The following CDC73 variants were observed in gnomAD, a reference collection of about 807,000 sequenced individuals.
The protein encoded by CDC73 is cell division cycle 73, also known as parafibromin.
CDC73 carries 21 observed loss-of-function variants against 83.7 expected under a neutral mutation model. The observed-to-expected ratio is 0.25, with a 90% CI of 0.18 to 0.36. CDC73 has a LOEUF of 0.36. Ranked by LOEUF, CDC73 falls within the 10% of genes least tolerant of loss-of-function variation. The pLI is 1.00. For missense variants in CDC73, 342 were observed against 653.3 expected, an observed-to-expected ratio of 0.52 and a Z score of 5.19; for synonymous variants, 224 against 212.9, an observed-to-expected ratio of 1.05 and a Z score of -0.45.
chr1:193,135,287 C>A, intron 3 of CDC73, 104 bp from the exon 4 acceptor site: 1 of 905,088 alleles, frequency 1.1e-6, no homozygotes, highest in South Asian at 1.5e-5. Flanking sequence ...TAGAGAAAAT[C>A]ACCATATAGA....
At chr1:193,230,034 A>G in intron 13 of CDC73, among the ~76,000 whole-genome samples, 1 of 152,174 alleles carries the variant, frequency 6.6e-6, no homozygotes, top group South Asian at 2.1e-4. Flanking sequence ...CTGTATGTAA[A>G]TTTTATGTCA....
At chr1:193,245,219 A>C (rs192386090) in intron 15 of CDC73, among the ~76,000 whole-genome samples, 66 of 152,248 alleles carry the variant, frequency 4.3e-4, no homozygotes, top group Admixed American at 3.1e-3. Context: ...AGTGGTGTGG[A>C]ACACTCGAAC....
intron 15 of CDC73, among the ~76,000 whole-genome samples, chr1:193,237,779 G>T (rs1677788675): frequency 6.6e-6 from 1 of 152,146 alleles, no homozygotes; most frequent in African/African-American, 2.4e-5. Context: ...GAGTGGCCCA[G>T]TCCCCTAGCT....
chr1:193,198,588 G>C (rs1351243164), intron 10 of CDC73, among the ~76,000 whole-genome samples: 1 of 152,130 alleles, frequency 6.6e-6, no homozygotes, highest in East Asian at 1.9e-4. Flanking sequence ...ATTGCCCAGT[G>C]TGTGGTATTT....
intron 15 of CDC73, among the ~76,000 whole-genome samples, chr1:193,238,697 A>G (rs755535399): frequency 6.6e-6 from 1 of 152,242 alleles, no homozygotes; most frequent in Non-Finnish European, 1.5e-5. Flanking sequence ...GTCGATTAAC[A>G]AATATTTTAC....
At chr1:193,239,176 A>G (rs2102064608) in intron 15 of CDC73, among the ~76,000 whole-genome samples, 1 of 152,226 alleles carries the variant, frequency 6.6e-6, no homozygotes, top group African/African-American at 2.4e-5. Flanking sequence ...CCTTTTCCAA[A>G]TGGAATTGAT....
In CDC73 at chr1:193,152,366, C is replaced by G; in HGVS notation, c.908-14C>G. ...TCTATAAAATCTTAACAATAAGCCT[C>G]TTTTTTTTCGTAGAAACGGAAGGCT... is the stretch of plus-strand genomic sequence containing the variant. On this transcript the variant is annotated splice_polypyrimidine_tract_variant and intron_variant, in intron 9 of 16. Transcript: ENST00000367435. 6.3e-7 allele frequency: 1 copy of G among 1,581,196 alleles called. No homozygotes were observed. The highest frequency in any genetic ancestry group is 8.7e-7 in the Non-Finnish European group (1 of 1,150,878).
intron 13 of CDC73, among the ~76,000 whole-genome samples, chr1:193,221,734 A>G (rs1677473602): frequency 6.6e-6 from 1 of 152,206 alleles, no homozygotes; most frequent in South Asian, 2.1e-4. Flanking sequence ...GAGAAACCAG[A>G]CAATTAAACA....
At chr1:193,199,094 A>G (rs1460625755) in intron 10 of CDC73, among the ~76,000 whole-genome samples, 1 of 152,236 alleles carries the variant, frequency 6.6e-6, no homozygotes, top group Non-Finnish European at 1.5e-5. Flanking sequence ...ATTGTTTTCT[A>G]TGTTAGCAAC....
At chr1:193,249,381 G>A (rs1303554376) in intron 15 of CDC73, among the ~76,000 whole-genome samples, 2 of 152,016 alleles carry the variant, frequency 1.3e-5, no homozygotes, top group Non-Finnish European at 2.9e-5. Flanking sequence ...AATGCAATGA[G>A]GTACCAGGAA....
At chr1:193,219,305 A>T (rs1677424324) in intron 13 of CDC73, among the ~76,000 whole-genome samples, 1 of 152,224 alleles carries the variant, frequency 6.6e-6, no homozygotes, top group African/African-American at 2.4e-5. Flanking sequence ...AATGTAATTT[A>T]GTTCAGCCAC....
In CDC73 at chr1:193,142,027, A is replaced by G. The variant is rs190156691; in HGVS notation, c.690A>G (p.Val230=). Residue 230 remains valine, a synonymous_variant, in exon 7 of 17, where the codon GTA becomes GTG. Transcript: ENST00000367435. ...VTRDIVSRER[V]WRTRTTILQS... The stretch of plus-strand genomic sequence containing the variant: ...GAGATATTGTCAGCAGAGAGAGAGT[A>G]TGGAGGACACGAACAACTATCTTAC... The G allele has an allele frequency of 5.6e-6, 9 of 1,613,852 alleles. No individual in the cohort carries two copies. The highest frequency in any genetic ancestry group is 4.4e-5 in the South Asian group (4 of 91,076).
chr1:193,147,215 A>G (rs1322796440), intron 7 of CDC73, among the ~76,000 whole-genome samples: 1 of 151,434 alleles, frequency 6.6e-6, no homozygotes, highest in Non-Finnish European at 1.5e-5. Flanking sequence ...AATGGCCTCA[A>G]TCTCCTGACC....
At chr1:193,214,605 G>C (rs1677331598) in intron 13 of CDC73, among the ~76,000 whole-genome samples, 1 of 152,194 alleles carries the variant, frequency 6.6e-6, no homozygotes, top group African/African-American at 2.4e-5. Context: ...TGTAGTCCCA[G>C]CTACATGGGA....
At chr1:193,229,269 T>C (rs765946164) in intron 13 of CDC73, among the ~76,000 whole-genome samples, 3 of 152,246 alleles carry the variant, frequency 2.0e-5, no homozygotes, top group Non-Finnish European at 4.4e-5. Context: ...ACAGGAATTA[T>C]TTATGTTAGC....
intron 10 of CDC73, among the ~76,000 whole-genome samples, chr1:193,192,915 C>T (rs983429915): frequency 6.6e-6 from 1 of 152,224 alleles, no homozygotes; most frequent in Non-Finnish European, 1.5e-5. Flanking sequence ...GATAAACTCC[C>T]TTACATTCCT....
At chr1:193,240,627 A>G (rs139406061) in intron 15 of CDC73, among the ~76,000 whole-genome samples, 4 of 151,910 alleles carry the variant, frequency 2.6e-5, no homozygotes, top group African/African-American at 9.7e-5. Context: ...ATTTTTTCAT[A>G]TATTTGTTTG....
At chr1:193,141,733 A>AC in intron 6 of CDC73, 117 bp from the exon 7 acceptor site, 1 of 707,156 alleles carries the variant, frequency 1.4e-6, no homozygotes. Context: ...AGATAAGAAA[A>AC]CCTTAATTAT....
At chr1:193,208,623 A>AG (rs1295438618) in intron 11 of CDC73, among the ~76,000 whole-genome samples, 4 of 152,126 alleles carry the variant, frequency 2.6e-5, no homozygotes, top group Non-Finnish European at 5.9e-5. Context: ...TGTGACATGA[A>AG]AATAAAATCT....
Sources: allele counts gnomAD v4.1 joint callset (sites outside exome capture counted in the v4.1 genomes callset), GRCh38; gene constraint gnomAD v4.1.1; transcripts MANE v1.5; gene names NCBI Gene and HGNC (gene_info 2026-07-23, HGNC 2026-07-21).